NOP14: variants seen among roughly 807,000 people sequenced by gnomAD.
NOP14 encodes nucleolar protein 14.
A neutral mutation model predicts 101.6 loss-of-function variants in NOP14; 57 were observed. The observed-to-expected ratio is 0.56, with a 90% CI of 0.45 to 0.70. The LOEUF (loss-of-function observed/expected upper bound fraction) is 0.70, where lower values mean the gene tolerates loss of function less well. Among genes scored for constraint, NOP14 ranks in the 30% least tolerant of loss-of-function variants. The pLI is 0.00. For missense variants in NOP14, 1,134 were observed against 1,075.5 expected (o/e 1.05, Z -0.76); for synonymous variants, 428 against 424.0 (o/e 1.01, Z -0.12).
At position 2,942,309 on chromosome 4, in the gene NOP14, G is replaced by A. The variant is rs1216358200; in HGVS notation, c.1934C>T (p.Ser645Leu). The change falls in exon 14 of 18, where the codon TCG (serine) becomes TTG (leucine). Residue 645 changes from serine (S) to leucine (L), a missense_variant. Ser to Leu is a moderately radical substitution (Grantham distance 145). Coordinates refer to ENST00000416614, the MANE Select transcript of NOP14 (RefSeq NM_001291978.2). ...VHPFRALGKNSELLVVSARED... is the reference protein window; with the variant it reads ...VHPFRALGKNLELLVVSARED... ...TCTAGCAGACACCACGAGCAGTTCC[G>A]AGTTCTTCCCAAGCGCTCTGAAAGG... The A allele has an allele frequency of 8.7e-6, 14 of 1,614,116 alleles. No homozygotes were observed. Among genetic ancestry groups the A allele is most frequent in the Non-Finnish European group, 1.1e-5 (13 of 1,180,004 alleles).
At position 2,954,699 on chromosome 4, in the gene NOP14, A is replaced by G. The variant is rs1422739631; in HGVS notation, c.473-136T>C. The G allele has an allele frequency of 1.5e-5, 16 of 1,080,836 alleles. No homozygotes were observed. The Admixed American group carries it at 4.0e-4, about 27-fold the overall frequency. 67.0% of individuals were successfully genotyped at this position (1,080,836 alleles called of 1,614,324 possible). A position where few individuals can be genotyped will look rare whatever the true frequency, so the allele number is the denominator to read the frequency against. On this transcript the variant is annotated intron_variant, in intron 3 of 17. Coordinates refer to ENST00000416614, the MANE Select transcript of NOP14 (RefSeq NM_001291978.2). ...TTTGAGAAAAAAATGCTCACACGCA[A>G]CAGCCTGGCCTGAGACCACAGGCAC...
chr4:2,938,713 G>A lies in NOP14; in HGVS notation c.*118C>T, dbSNP rs1713879133. The A allele has an allele frequency of 5.2e-6, 4 of 762,362 alleles. No individual in the cohort carries two copies. The highest frequency in any genetic ancestry group is 3.5e-5 in the South Asian group (2 of 57,774). The allele number at this position is 762,362 out of a possible 1,614,324, so 47.2% of individuals were successfully genotyped here. On this transcript the variant is annotated 3_prime_UTR_variant, in exon 18 of 18. Coordinates refer to ENST00000416614, the MANE Select transcript of NOP14 (RefSeq NM_001291978.2). ...GGTAGAGACGGGGTCTTCCTGTGTT[G>A]CCCAGGCTGGTCTCGAACTCCTGGG...
chr4:2,950,435 G>A (rs1054815112), intron 7 of NOP14: 17 of 587,672 alleles, frequency 2.9e-5, no homozygotes, highest in South Asian at 1.4e-4. Context: ...AGAACCCTGC[G>A]GCAGGATGCT....
chr4:2,953,433 G>T, intron 5 of NOP14, 78 bp downstream of exon 5: 2 of 1,537,036 alleles, frequency 1.3e-6, no homozygotes, highest in South Asian at 1.2e-5. Context: ...GAGCCGTCCA[G>T]CCCCAGCCCT....
chr4:2,956,784 T>C lies in NOP14; in HGVS notation c.358A>G (p.Asn120Asp). 1.2e-6 allele frequency: 2 copies of C among 1,607,142 alleles called. No individual in the cohort carries two copies. The highest frequency in any genetic ancestry group is 8.5e-7 in the Non-Finnish European group (1 of 1,178,254). Residue 120 changes from asparagine to aspartate, a missense_variant, in exon 3 of 18, where the codon AAT becomes GAT. Physicochemically the swap from Asn to Asp is conservative, Grantham distance 23. Coordinates refer to ENST00000416614, the MANE Select transcript of NOP14 (RefSeq NM_001291978.2). ...GTCAATTCTTCATCTTCATTTAGAT[T>C]GTAGATGCTTTTTTTCTCATGATGT... ...QRHHEKKSIY[N>D]LNEDEELTHY...
In NOP14 at chr4:2,946,476, G is replaced by A. The variant is rs114205498; in HGVS notation, c.1571C>T (p.Ala524Val). 2,263 of 1,614,062 alleles carry A rather than the reference G, an allele frequency of 1.4e-3. 16 individuals carry two copies. Among genetic ancestry groups the A allele is most frequent in the African/African-American group, 0.01 (751 of 75,014 alleles). ...SDAIKFVLRD[A>V]MHEMEEMIET... ...AATCATTTCTTCCATCTCATGCATC[G>A]CATCTCGGAGAACAAATTTGATAGC... Residue 524 changes from alanine (A) to valine (V), a missense_variant, in exon 11 of 18, where the codon GCG becomes GTG. Coordinates refer to ENST00000416614, the MANE Select transcript of NOP14 (RefSeq NM_001291978.2).
chr4:2,956,353 C>T (rs143824334), intron 3 of NOP14, among the ~76,000 whole-genome samples: 9 of 152,240 alleles, frequency 5.9e-5, no homozygotes, highest in South Asian at 2.1e-4. Flanking sequence ...ACTCTGGCAT[C>T]GGGCAAAACA....
At chr4:2,962,594 T>C (rs1213406906) in intron 1 of NOP14, among the ~76,000 whole-genome samples, 1 of 152,038 alleles carries the variant, frequency 6.6e-6, no homozygotes, top group Non-Finnish European at 1.5e-5. Flanking sequence ...CCTTAGGAAA[T>C]GCACTTGTCC....
intron 15 of NOP14, chr4:2,940,668 C>G (rs769575511): frequency 1.3e-5 from 2 of 152,424 alleles, no homozygotes; most frequent in Non-Finnish European, 2.9e-5. Flanking sequence ...GAACTCTCAT[C>G]CTAGTGGGGC....
Position 2,938,815 on chromosome 4 carries a change from A to G in NOP14, c.*16T>C. On this transcript the variant is annotated 3_prime_UTR_variant, in exon 18 of 18. Transcript: ENST00000416614. ...GAGGTAATGTCCAGTTCCTTGCCTT[A>G]TTTATAAAATGTAATTTATTTTTTG... The G allele has an allele frequency of 6.2e-7, 1 of 1,600,460 alleles. No individual in the cohort carries two copies. Among genetic ancestry groups the G allele is most frequent in the Non-Finnish European group, 8.6e-7 (1 of 1,168,214 alleles).
At chr4:2,958,122 G>A (rs1046254510) in intron 1 of NOP14, among the ~76,000 whole-genome samples, 1 of 152,028 alleles carries the variant, frequency 6.6e-6, no homozygotes, top group African/African-American at 2.4e-5. Flanking sequence ...CATGGAGGAG[G>A]GTACTATTTC....
In NOP14 at chr4:2,954,565, TG is replaced by T. The variant is rs772234538; in HGVS notation, c.473-3del. 7 of 1,613,600 alleles carry T rather than the reference TG, an allele frequency of 4.3e-6. No individual in the cohort carries two copies. In the Admixed American group the frequency reaches 8.3e-5, roughly 19 times the overall value. ...CAAAGTGGGCAGCAGTCAGCTCAGC[TG>T]GGGGCAAAAGGCAGAAAACCCCACA... On this transcript the variant is annotated splice_polypyrimidine_tract_variant and splice_region_variant and intron_variant, in intron 3 of 17. Transcript: ENST00000416614.
intron 15 of NOP14, 141 bp from the exon 16 acceptor site, chr4:2,939,786 C>T (rs1714005027): frequency 1.4e-6 from 1 of 729,394 alleles, no homozygotes; most frequent in Non-Finnish European, 2.5e-6. Flanking sequence ...TTGCTGTGCG[C>T]CTACCGGTGG....
chr4:2,963,107 C>T lies in NOP14; in HGVS notation c.195+18G>A. ...GTCCAGATCCTGCCTTCCGGCTCCCCGTGCGCCCCCCGCTTACCTTCCTGA... is the reference window on the plus strand; with the variant it reads ...GTCCAGATCCTGCCTTCCGGCTCCCTGTGCGCCCCCCGCTTACCTTCCTGA... On this transcript the variant is annotated intron_variant, in intron 1 of 17. Coordinates refer to ENST00000416614, the MANE Select transcript of NOP14 (RefSeq NM_001291978.2). The T allele has an allele frequency of 1.3e-6, 2 of 1,524,798 alleles. No homozygotes were observed. The highest frequency in any genetic ancestry group is 5.2e-5 in the East Asian group (2 of 38,384). The allele number at this position is 1,524,798 out of a possible 1,614,324, so 94.5% of individuals were successfully genotyped here.
chr4:2,939,662 C>A lies in NOP14; in HGVS notation c.2200-17G>T. ...ACACAGCTCCTGAAAAACACGAAAT[C>A]CCCGACTCTGCGATGACTCACCTGC... On this transcript the variant is annotated splice_polypyrimidine_tract_variant and intron_variant, in intron 15 of 17. Coordinates refer to ENST00000416614, the MANE Select transcript of NOP14 (RefSeq NM_001291978.2). 6.3e-7 allele frequency: 1 copy of A among 1,590,888 alleles called. No homozygotes were observed. The highest frequency in any genetic ancestry group is 8.6e-7 in the Non-Finnish European group (1 of 1,159,240).
intron 15 of NOP14, among the ~76,000 whole-genome samples, chr4:2,940,125 G>C (rs553492285): frequency 3.4e-5 from 5 of 148,750 alleles, no homozygotes; most frequent in Non-Finnish European, 7.6e-5. Flanking sequence ...GTGCTAGGCG[G>C]GGCAGGGTTT....
At chr4:2,950,380 A>C (rs999543947) in intron 7 of NOP14, 167 bp from the exon 8 acceptor site, 63 of 666,736 alleles carry the variant, frequency 9.4e-5, no homozygotes, top group South Asian at 2.3e-4. Flanking sequence ...CCTGCCCACC[A>C]CCCGCTTCTA....
chr4:2,956,952 T>C (rs975679988), intron 2 of NOP14, 141 bp from the exon 3 acceptor site: 1 of 687,468 alleles, frequency 1.5e-6, no homozygotes. Flanking sequence ...GTATTTTGGG[T>C]CAACTAAGCA....
At chr4:2,953,883 A>G (rs1715178215) in intron 4 of NOP14, among the ~76,000 whole-genome samples, 1 of 152,236 alleles carries the variant, frequency 6.6e-6, no homozygotes, top group Non-Finnish European at 1.5e-5. Flanking sequence ...GTTCACTGCA[A>G]ATGAATAAAA....
Sources: gnomAD v4.1 joint callset for allele counts (sites outside exome capture counted in the v4.1 genomes callset) on GRCh38, gnomAD v4.1.1 for gene constraint, MANE v1.5 for transcripts, NCBI Gene and HGNC (gene_info 2026-07-23, HGNC 2026-07-21) for gene names.